The following NAA15 variants were observed in gnomAD, a reference collection of about 807,000 sequenced individuals.
The protein encoded by NAA15 is N-alpha-acetyltransferase 15, NatA auxiliary subunit.
A neutral mutation model predicts 114.0 loss-of-function variants in NAA15; 34 were observed. The observed-to-expected ratio is 0.30, with a 90% CI of 0.23 to 0.40. The LOEUF (loss-of-function observed/expected upper bound fraction) is 0.40. Among genes scored for constraint, NAA15 ranks in the 10% least tolerant of loss-of-function variants. The pLI, the probability that NAA15 is intolerant of heterozygous loss-of-function variation, is 1.00. For missense variants in NAA15, 658 were observed against 1,004.5 expected (o/e 0.66, Z 4.66); for synonymous variants, 340 against 338.0 (o/e 1.01, Z -0.06).
chr4:139,387,863 T>G, intron 19 of NAA15, 21 bp from the exon 20 acceptor site: 1 of 1,600,442 alleles, frequency 6.2e-7, no homozygotes, highest in Non-Finnish European at 8.5e-7. Context: ...AGTTACAACA[T>G]GACTTTTTTT....
In NAA15 at chr4:139,342,479, G is replaced by GTTTTTT. The variant is rs11402847; in HGVS notation, c.403-334_403-329dup. 4.8e-5 allele frequency among the ~76,000 whole-genome samples: 6 copies of GTTTTTT among 125,540 alleles called. 1 individual carries two copies. The highest frequency in any genetic ancestry group is 5.0e-5 in the Non-Finnish European group (3 of 59,742). The allele number at this position is 125,540 out of a possible 152,430, so 82.4% of individuals were successfully genotyped here. On this transcript the variant is annotated intron_variant, in intron 4 of 19. Transcript: ENST00000296543. ...GGGGTTGTGGGATAAATTAATGTGT[G>GTTTTTT]TTTTTTTTTTTTTTTTTTGAGACGG...
At chr4:139,341,738 A>G (rs1185752756) in intron 4 of NAA15, among the ~76,000 whole-genome samples, 1 of 148,544 alleles carries the variant, frequency 6.7e-6, no homozygotes, top group African/African-American at 2.5e-5. Flanking sequence ...TTTTTCTTGG[A>G]GACATTAGAG....
intron 14 of NAA15, among the ~76,000 whole-genome samples, 186 bp downstream of exon 14, chr4:139,362,123 T>C (rs894878554): frequency 6.6e-6 from 1 of 152,224 alleles, no homozygotes; most frequent in African/African-American, 2.4e-5. Context: ...AGAATTTAAT[T>C]TGCAGTTATT....
At chr4:139,345,716 C>G (rs961851839) in intron 6 of NAA15, among the ~76,000 whole-genome samples, 1 of 152,080 alleles carries the variant, frequency 6.6e-6, no homozygotes. Context: ...GTCAGGAGAT[C>G]GAGACCATCC....
intron 17 of NAA15, among the ~76,000 whole-genome samples, chr4:139,380,663 A>G (rs1437031592): frequency 1.3e-5 from 2 of 152,182 alleles, no homozygotes; most frequent in Admixed American, 6.5e-5. Context: ...CTTTGTGTTC[A>G]GCTGAAATCG....
intron 10 of NAA15, 127 bp from the exon 11 acceptor site, chr4:139,357,259 A>T: frequency 1.3e-6 from 1 of 767,390 alleles, no homozygotes; most frequent in Non-Finnish European, 2.2e-6. Flanking sequence ...GAGGAGTTTT[A>T]TAGCTAGATA....
chr4:139,364,620 C>G (rs1340021711), intron 14 of NAA15, among the ~76,000 whole-genome samples: 1 of 152,140 alleles, frequency 6.6e-6, no homozygotes, highest in Non-Finnish European at 1.5e-5. Flanking sequence ...GTTTCTTGGT[C>G]TAACATATAT....
rs1346418882 is a variant in NAA15, at chr4:139,386,212, C to T, written c.2382C>T (p.Leu794=). 6.2e-7 allele frequency: 1 copy of T among 1,603,594 alleles called. No individual in the cohort carries two copies. The highest frequency in any genetic ancestry group is 8.5e-7 in the Non-Finnish European group (1 of 1,172,342). Residue 794 remains leucine (L), a synonymous_variant, in exon 19 of 20, where the codon CTC becomes CTT. Coordinates refer to ENST00000296543, the MANE Select transcript of NAA15 (RefSeq NM_057175.5). ...TGGCAACAACACTTGATGAATCTCT[C>T]ACTAACAGAAACCTCCAGGTAAAGA... ...IELATTLDES[L]TNRNLQTCME...
intron 1 of NAA15, among the ~76,000 whole-genome samples, chr4:139,326,321 A>G (rs984248575): frequency 6.6e-6 from 1 of 152,206 alleles, no homozygotes; most frequent in Non-Finnish European, 1.5e-5. Flanking sequence ...AAATGAAGAT[A>G]GTAAGACTAC....
At chr4:139,306,821 A>G (rs1746039313) in intron 1 of NAA15, among the ~76,000 whole-genome samples, 1 of 152,136 alleles carries the variant, frequency 6.6e-6, no homozygotes, top group Admixed American at 6.5e-5. Flanking sequence ...CACACCTTAG[A>G]TTTTAACCTG....
At chr4:139,313,690 A>G (rs1746293528) in intron 1 of NAA15, among the ~76,000 whole-genome samples, 1 of 151,550 alleles carries the variant, frequency 6.6e-6, no homozygotes. Flanking sequence ...GGTTACAGGC[A>G]TGTGCCTCCA....
intron 14 of NAA15, among the ~76,000 whole-genome samples, chr4:139,364,931 A>G (rs902235598): frequency 7.2e-4 from 110 of 152,168 alleles, no homozygotes; most frequent in Non-Finnish European, 9.4e-4. Context: ...GTCTTCTGGT[A>G]TGGTTAGAGT....
intron 1 of NAA15, among the ~76,000 whole-genome samples, chr4:139,332,492 A>G (rs947119202): frequency 4.6e-5 from 7 of 151,140 alleles, no homozygotes; most frequent in Admixed American, 1.3e-4. Flanking sequence ...GGAAGAATAC[A>G]TGGACACAAA....
At chr4:139,386,662 C>T (rs1748917081) in intron 19 of NAA15, 1 of 152,504 alleles carries the variant, frequency 6.6e-6, no homozygotes, top group Admixed American at 6.6e-5. Flanking sequence ...GAGACCCCAT[C>T]TCTTAAAAAA....
chr4:139,356,167 TA>T (rs1747942648), intron 10 of NAA15, among the ~76,000 whole-genome samples: 1 of 152,252 alleles, frequency 6.6e-6, no homozygotes, highest in Admixed American at 6.5e-5. Flanking sequence ...CATATTAAAA[TA>T]TATTAAGAAT....
chr4:139,375,425 A>G (rs992185269), intron 15 of NAA15, among the ~76,000 whole-genome samples: 4 of 152,070 alleles, frequency 2.6e-5, no homozygotes, highest in Non-Finnish European at 4.4e-5. Flanking sequence ...GGTGAATCCC[A>G]TAGAATTCAC....
chr4:139,362,313 C>T (rs1289990003), intron 14 of NAA15, among the ~76,000 whole-genome samples: 1 of 152,180 alleles, frequency 6.6e-6, no homozygotes, highest in Admixed American at 6.5e-5. Context: ...TGGAGTCTCG[C>T]TCTGTTTCCC....
chr4:139,318,849 A>G lies in NAA15; in HGVS notation c.55-15325A>G, dbSNP rs1746504105. 2.0e-5 allele frequency among the ~76,000 whole-genome samples: 3 copies of G among 148,984 alleles called. No homozygotes were observed. The South Asian group carries it at 6.3e-4, about 31-fold the overall frequency. On this transcript the variant is annotated intron_variant, in intron 1 of 19. Transcript: ENST00000296543. ...AGCCTAGGCGACAGACCCCATCTCA[A>G]AAAAAAAAAAGGAACTTAAAACTTT... is the stretch of plus-strand genomic sequence containing the variant.
At chr4:139,303,680 C>T (rs1470923056) in intron 1 of NAA15, among the ~76,000 whole-genome samples, 1 of 152,038 alleles carries the variant, frequency 6.6e-6, no homozygotes, top group Non-Finnish European at 1.5e-5. Context: ...GCCTGTAGTC[C>T]CAGCTACTAG....
Sources: gnomAD v4.1 joint callset for allele counts (sites outside exome capture counted in the v4.1 genomes callset) on GRCh38, gnomAD v4.1.1 for gene constraint, MANE v1.5 for transcripts, NCBI Gene and HGNC (gene_info 2026-07-23, HGNC 2026-07-21) for gene names.